C16orf74: variants seen among roughly 807,000 people sequenced by gnomAD.
C16orf74 encodes uncharacterized protein C16orf74.
A neutral mutation model predicts 6.5 loss-of-function variants in C16orf74; 10 were observed. That is an observed-to-expected ratio of 1.54 (90% CI 0.95 to 2.61). The LOEUF (loss-of-function observed/expected upper bound fraction) is 2.61. C16orf74 is among the 30% of genes most tolerant of loss of function. The pLI, the probability that C16orf74 is intolerant of heterozygous loss-of-function variation, is 0.00. For synonymous variants in C16orf74, 60 were observed against 42.5 expected (o/e 1.41, Z -1.60); for missense variants, 141 against 105.9 (o/e 1.33, Z -1.45).
chr16:85,717,997 G>A (rs890663018), intron 2 of C16orf74, among the ~76,000 whole-genome samples: 3 of 152,238 alleles, frequency 2.0e-5, no homozygotes, highest in Non-Finnish European at 2.9e-5. Context: ...ACTCCCGGCC[G>A]CCCAGAGGTC....
chr16:85,708,409 G>T (rs763225324), intron 3 of C16orf74, among the ~76,000 whole-genome samples: 8 of 152,180 alleles, frequency 5.3e-5, no homozygotes, highest in Non-Finnish European at 7.3e-5. Flanking sequence ...AGAGAGGGAA[G>T]AGACTTTGAC....
intron 2 of C16orf74, among the ~76,000 whole-genome samples, chr16:85,731,863 G>A (rs1373358846): frequency 6.6e-6 from 1 of 152,044 alleles, no homozygotes; most frequent in African/African-American, 2.4e-5. Context: ...GATAATTTTT[G>A]TATTTTTTGT....
chr16:85,734,235 T>C (rs542041130), intron 2 of C16orf74, among the ~76,000 whole-genome samples: 10 of 152,056 alleles, frequency 6.6e-5, no homozygotes, highest in African/African-American at 9.7e-5. Flanking sequence ...ACCGCCAGAG[T>C]GTTCCAGGCC....
chr16:85,713,508 G>C (rs1343133643), intron 2 of C16orf74, among the ~76,000 whole-genome samples: 2 of 152,144 alleles, frequency 1.3e-5, no homozygotes, highest in Non-Finnish European at 2.9e-5. Context: ...CCTGACCTCA[G>C]GTGATCTGCC....
chr16:85,719,652 T>TCACA (rs34218326), intron 2 of C16orf74, among the ~76,000 whole-genome samples: 8 of 152,146 alleles, frequency 5.3e-5, no homozygotes, highest in Admixed American at 5.2e-4. Flanking sequence ...ATAAGCCCAC[T>TCACA]CACAGTACCA....
At chr16:85,731,681 T>G (rs1433441036) in intron 2 of C16orf74, among the ~76,000 whole-genome samples, 1 of 117,622 alleles carries the variant, frequency 8.5e-6, no homozygotes, top group East Asian at 2.6e-4. Context: ...AACAGGATCT[T>G]TGTGATGTCA....
At chr16:85,709,238 C>A (rs1454898342) in intron 3 of C16orf74, among the ~76,000 whole-genome samples, 2 of 152,162 alleles carry the variant, frequency 1.3e-5, no homozygotes, top group Non-Finnish European at 2.9e-5. Context: ...CCTGTAATCC[C>A]AGCTACTCAG....
At chr16:85,739,371 G>A (rs1333168641) in intron 1 of C16orf74, among the ~76,000 whole-genome samples, 1 of 152,164 alleles carries the variant, frequency 6.6e-6, no homozygotes, top group African/African-American at 2.4e-5. Flanking sequence ...CCACCCGGTG[G>A]ATTTTGACAT....
intron 1 of C16orf74, among the ~76,000 whole-genome samples, chr16:85,745,139 T>TAAAAAAAAAAA (rs10554549): frequency 2.0e-5 from 1 of 50,994 alleles, no homozygotes; most frequent in African/African-American, 9.0e-5. Flanking sequence ...AAACTCTGTC[T>TAAAAAAAAAAA]AAAAAAAAAA....
Position 85,747,025 on chromosome 16 carries a change from T to A in C16orf74, c.-19+3901A>T, listed in dbSNP as rs115334264. On this transcript the variant is annotated intron_variant, in intron 1 of 3. Coordinates refer to ENST00000284245, the MANE Select transcript of C16orf74 (RefSeq NM_206967.3). ...CCTCCACCTGGCCCACAGGAAGCCT[T>A]CACCAGCAGGAAGCGAAACAGGATG... Among the ~76,000 whole-genome samples, 639 of 152,122 alleles carry A rather than the reference T, an allele frequency of 4.2e-3. 2 individuals are homozygous for A. Among genetic ancestry groups the A allele is most frequent in the African/African-American group, 0.014 (576 of 41,492 alleles).
chr16:85,713,272 TC>T (rs2053987755), intron 2 of C16orf74, among the ~76,000 whole-genome samples: 2 of 151,836 alleles, frequency 1.3e-5, no homozygotes, highest in African/African-American at 4.8e-5. Flanking sequence ...CTGTCCAGAC[TC>T]CCCCCTGCTT....
intron 1 of C16orf74, among the ~76,000 whole-genome samples, chr16:85,745,296 G>C (rs1209152653): frequency 6.6e-6 from 1 of 152,044 alleles, no homozygotes; most frequent in Non-Finnish European, 1.5e-5. Flanking sequence ...ACAGACATCA[G>C]ATGTCATGCA....
chr16:85,713,609 G>A (rs950345815), intron 2 of C16orf74, among the ~76,000 whole-genome samples: 9 of 152,168 alleles, frequency 5.9e-5, no homozygotes, highest in African/African-American at 2.2e-4. Flanking sequence ...CCGTCATATT[G>A]GACTAGGAGC....
In C16orf74 at chr16:85,710,253, A is replaced by G. The variant is rs1391104432; in HGVS notation, c.83T>C (p.Leu28Pro). ...GGGCACGTCCAGGTGCTTGTCGTTC[A>G]GGACGGGGGCCTCGTCGTGGCTGCT... ...SSSSHDEAPV[L>P]NDKHLDVPDI... The change falls in exon 3 of 4, where the codon CTG becomes CCG. Residue 28 changes from leucine to proline, a missense_variant. Coordinates refer to ENST00000284245, the MANE Select transcript of C16orf74 (RefSeq NM_206967.3). 16 of 1,505,990 alleles carry G rather than the reference A, an allele frequency of 1.1e-5. No individual in the cohort carries two copies. The highest frequency in any genetic ancestry group is 1.2e-5 in the Non-Finnish European group (14 of 1,140,308). The allele number at this position is 1,505,990 out of a possible 1,614,324, so 93.3% of individuals were successfully genotyped here.
chr16:85,714,806 C>T (rs1490791139), intron 2 of C16orf74, among the ~76,000 whole-genome samples: 1 of 151,916 alleles, frequency 6.6e-6, no homozygotes, highest in Non-Finnish European at 1.5e-5. Flanking sequence ...TCAGCGGCAC[C>T]CACACAGTCC....
At chr16:85,739,195 G>A (rs1408746494) in intron 1 of C16orf74, among the ~76,000 whole-genome samples, 2 of 152,130 alleles carry the variant, frequency 1.3e-5, no homozygotes, top group African/African-American at 2.4e-5. Context: ...AAGCTGCACA[G>A]AGCCCCAGGG....
At position 85,737,046 on chromosome 16, in the gene C16orf74, A is replaced by G. The variant is rs540353965; in HGVS notation, c.-18-1811T>C. 5.4e-5 allele frequency among the ~76,000 whole-genome samples: 8 copies of G among 148,312 alleles called. No individual in the cohort carries two copies. The East Asian group carries it at 1.6e-3, about 29-fold the overall frequency. On this transcript the variant is annotated intron_variant, in intron 1 of 3. Coordinates refer to ENST00000284245, the MANE Select transcript of C16orf74 (RefSeq NM_206967.3). ...CGACAGAGTGAGACTTCATCTCGAG[A>G]AAAAAAAAAATGTAAAAAGGGGTGA...
chr16:85,714,401 A>AT (rs1320850192), intron 2 of C16orf74, among the ~76,000 whole-genome samples: 3,025 of 141,240 alleles, frequency 0.021, 49 homozygotes, highest in African/African-American at 0.054. Flanking sequence ...TTATTTATTT[A>AT]TTATTTATTT....
At chr16:85,739,603 A>G (rs2054280896) in intron 1 of C16orf74, among the ~76,000 whole-genome samples, 1 of 152,164 alleles carries the variant, frequency 6.6e-6, no homozygotes. Context: ...AGTAATGACC[A>G]GCCTGGGCAA....
Sources: gnomAD v4.1 joint callset for allele counts (sites outside exome capture counted in the v4.1 genomes callset) on GRCh38, gnomAD v4.1.1 for gene constraint, MANE v1.5 for transcripts, NCBI Gene and HGNC (gene_info 2026-07-23, HGNC 2026-07-21) for gene names.